The following NINJ2 variants were observed in gnomAD, a reference collection of about 807,000 sequenced individuals.
NINJ2 encodes ninjurin 2.
A neutral mutation model predicts 11.7 loss-of-function variants in NINJ2; 12 were observed. That is an observed-to-expected ratio of 1.02 (90% CI 0.66 to 1.66). The LOEUF (loss-of-function observed/expected upper bound fraction) is 1.66. Among genes scored for constraint, NINJ2 ranks in the 40% most tolerant of loss-of-function variants. NINJ2 has a pLI of 0.00. For missense variants in NINJ2, 187 were observed against 181.8 expected (o/e 1.03, Z -0.16); for synonymous variants, 93 against 76.8 (o/e 1.21, Z -1.10).
chr12:612,482 T>C (rs1948046511), intron 1 of NINJ2, among the ~76,000 whole-genome samples: 1 of 152,118 alleles, frequency 6.6e-6, no homozygotes, highest in Non-Finnish European at 1.5e-5. Flanking sequence ...CTTCCATTAA[T>C]CTGGAACTGA....
intron 1 of NINJ2, among the ~76,000 whole-genome samples, chr12:567,243 G>C (rs78376876): frequency 6.6e-6 from 1 of 151,464 alleles, no homozygotes; most frequent in Non-Finnish European, 1.5e-5. Flanking sequence ...AGAGACGGAT[G>C]GATTGAAGGA....
At chr12:604,118 C>T (rs373045537) in intron 1 of NINJ2, among the ~76,000 whole-genome samples, 4 of 152,196 alleles carry the variant, frequency 2.6e-5, no homozygotes, top group African/African-American at 9.7e-5. Context: ...ATCATTTGAG[C>T]TATTCTGGGT....
chr12:617,880 T>C (rs1948111749), intron 1 of NINJ2, among the ~76,000 whole-genome samples: 1 of 152,160 alleles, frequency 6.6e-6, no homozygotes, highest in Non-Finnish European at 1.5e-5. Context: ...CCCAGGGCCC[T>C]GACACTCAAG....
intron 1 of NINJ2, among the ~76,000 whole-genome samples, chr12:590,421 C>T (rs1050476273): frequency 1.3e-5 from 2 of 152,180 alleles, no homozygotes; most frequent in South Asian, 2.1e-4. Flanking sequence ...GGGTGGAAGA[C>T]GACACCCTGT....
chr12:585,885 C>G lies in NINJ2; in HGVS notation c.34-19707G>C, dbSNP rs1947630850. 6.6e-6 allele frequency: 1 copy of G among 152,034 alleles called. No individual in the cohort carries two copies. Among genetic ancestry groups the G allele is most frequent in the Admixed American group, 6.6e-5 (1 of 15,254 alleles). 9.4% of individuals were successfully genotyped at this position (152,034 alleles called of 1,614,324 possible). On this transcript the variant is annotated intron_variant, in intron 1 of 3. Transcript: ENST00000305108. The surrounding 1 kb of genome is among the most constrained non-coding windows in gnomAD (Gnocchi z 4.1). ...TCCATCCAGGGGCGTGGAGGAGGCTCTGTGGATCTCAGGGCCATCTCAGCT... is the reference window on the plus strand; with the variant it reads ...TCCATCCAGGGGCGTGGAGGAGGCTGTGTGGATCTCAGGGCCATCTCAGCT...
chr12:566,777 G>A (rs1947306649), intron 1 of NINJ2, among the ~76,000 whole-genome samples: 1 of 152,196 alleles, frequency 6.6e-6, no homozygotes, highest in Non-Finnish European at 1.5e-5. Flanking sequence ...GCATGCATGA[G>A]TGTATACACA....
chr12:571,841 G>A (rs1947380836), intron 1 of NINJ2, among the ~76,000 whole-genome samples: 1 of 152,210 alleles, frequency 6.6e-6, no homozygotes, highest in Admixed American at 6.5e-5. Context: ...AGATTACAGG[G>A]CTGTTCTCCC....
intron 1 of NINJ2, among the ~76,000 whole-genome samples, chr12:646,123 C>A (rs573781609): frequency 6.6e-6 from 1 of 152,224 alleles, no homozygotes; most frequent in Non-Finnish European, 1.5e-5. Flanking sequence ...GGAAACAGCA[C>A]AGGCAGTACT....
chr12:569,701 A>G (rs1016575566), intron 1 of NINJ2, among the ~76,000 whole-genome samples: 17 of 152,122 alleles, frequency 1.1e-4, no homozygotes, highest in Admixed American at 5.9e-4. Context: ...GGTCTTCCCA[A>G]CCTCTATGGA....
intron 1 of NINJ2, among the ~76,000 whole-genome samples, chr12:631,643 G>A (rs144889187): frequency 0.037 from 5,605 of 152,302 alleles, 152 homozygotes; most frequent in Non-Finnish European, 0.055. Context: ...TTACAGGCGT[G>A]AGCCACCGCG....
At chr12:578,323 C>T (rs11836607) in intron 1 of NINJ2, among the ~76,000 whole-genome samples, 57,547 of 151,556 alleles carry the variant, frequency 0.38, 11,742 homozygotes, top group African/African-American at 0.51. Flanking sequence ...TAACTCGGTG[C>T]CTGAGGGGTG....
chr12:647,013 CTT>C (rs1195536217), intron 1 of NINJ2, among the ~76,000 whole-genome samples: 1 of 152,168 alleles, frequency 6.6e-6, no homozygotes, highest in African/African-American at 2.4e-5. Flanking sequence ...ATGCTGCAGA[CTT>C]TGGGCTGGCA....
intron 1 of NINJ2, among the ~76,000 whole-genome samples, chr12:647,337 A>G (rs1366838368): frequency 6.6e-6 from 1 of 152,098 alleles, no homozygotes; most frequent in African/African-American, 2.4e-5. Flanking sequence ...TCTCTTTCCT[A>G]GGTTGGAGTA....
Position 581,156 on chromosome 12 carries a change from T to C in NINJ2, c.34-14978A>G, listed in dbSNP as rs1174959782. Among the ~76,000 whole-genome samples the C allele has an allele frequency of 2.6e-5, 4 of 151,400 alleles. No individual in the cohort carries two copies. The highest frequency in any genetic ancestry group is 1.3e-4 in the Admixed American group (2 of 15,224). ...GTGCCTCTGTGTGTGTGTGCATGTGTCTCTGTGTGTGTGTGTGTGTCTGTG... is the reference window on the plus strand; with the variant it reads ...GTGCCTCTGTGTGTGTGTGCATGTGCCTCTGTGTGTGTGTGTGTGTCTGTG... On this transcript the variant is annotated intron_variant, in intron 1 of 3. Coordinates refer to ENST00000305108, the MANE Select transcript of NINJ2 (RefSeq NM_016533.6). This position sits in a 1 kb window ranked among gnomAD's most constrained non-coding sequence, Gnocchi z 4.9.
At chr12:577,237 T>C (rs1947472815) in intron 1 of NINJ2, among the ~76,000 whole-genome samples, 2 of 151,734 alleles carry the variant, frequency 1.3e-5, no homozygotes, top group Non-Finnish European at 2.9e-5. Context: ...TTGTGTTAGA[T>C]GATGTTGCCC....
chr12:617,145 G>A (rs999260926), intron 1 of NINJ2, among the ~76,000 whole-genome samples: 6 of 152,190 alleles, frequency 3.9e-5, no homozygotes, highest in African/African-American at 1.4e-4. Context: ...GGCGGAGGTT[G>A]CAGTGAGCTG....
At chr12:645,322 C>T (rs981497129) in intron 1 of NINJ2, 6 of 152,056 alleles carry the variant, frequency 3.9e-5, no homozygotes, top group Non-Finnish European at 4.4e-5. Context: ...ACTGGTAACA[C>T]GAGCATAATC....
rs1414309412 is a variant in NINJ2, at chr12:658,649, TGCTATGCTATGC to T, written c.33+4667_33+4678del. 9.2e-3 allele frequency among the ~76,000 whole-genome samples: 10 copies of T among 1,082 alleles called. No individual in the cohort carries two copies. In the East Asian group the frequency reaches 0.31, roughly 34 times the overall value. 0.7% of individuals were successfully genotyped at this position (1,082 alleles called of 152,430 possible). Reference sequence around the variant, plus strand: ...TTAGGGCAGTGAAACTTCTCTATTATGCTATGCTATGCTATGCTATGCTATGCTATGCTATGC... The same window carrying T: ...TTAGGGCAGTGAAACTTCTCTATTATTATGCTATGCTATGCTATGCTATGC... On this transcript the variant is annotated intron_variant, in intron 1 of 3. Coordinates refer to ENST00000305108, the MANE Select transcript of NINJ2 (RefSeq NM_016533.6).
At chr12:653,368 C>A (rs188269135) in intron 1 of NINJ2, among the ~76,000 whole-genome samples, 35 of 151,942 alleles carry the variant, frequency 2.3e-4, no homozygotes, top group African/African-American at 8.4e-4. Context: ...ATCAAAATAT[C>A]AACAATATAT....
Sources: gnomAD v4.1 joint callset for allele counts (sites outside exome capture counted in the v4.1 genomes callset) on GRCh38, gnomAD v4.1.1 for gene constraint, Gnocchi (gnomAD v3.1) non-coding constraint, MANE v1.5 for transcripts, NCBI Gene and HGNC (gene_info 2026-07-23, HGNC 2026-07-21) for gene names.